PDS5A: variants seen among roughly 807,000 people sequenced by gnomAD.
The protein encoded by PDS5A is sister chromatid cohesion protein PDS5 homolog A.
A neutral mutation model predicts 167.1 loss-of-function variants in PDS5A; 42 were observed. The ratio of observed to expected loss-of-function variants is 0.25; its 90% CI spans 0.20 to 0.33. The LOEUF (loss-of-function observed/expected upper bound fraction) is 0.33. Among genes scored for constraint, PDS5A ranks in the 10% least tolerant of loss-of-function variants. The probability of loss-of-function intolerance (pLI) is 1.00; values close to 1 mark genes in which losing one functional copy is unlikely to be tolerated. For missense variants in PDS5A, 1,033 were observed against 1,605.9 expected, an observed-to-expected ratio of 0.64 and a Z score of 6.10; for synonymous variants, 553 against 554.6, an observed-to-expected ratio of 1.00 and a Z score of 0.04.
rs181730464 is a variant in PDS5A, at chr4:39,901,409, A to G, written c.1500-902T>C. On this transcript the variant is annotated intron_variant, in intron 13 of 32. Coordinates refer to ENST00000303538, the MANE Select transcript of PDS5A (RefSeq NM_001100399.2). ...CAGCCTCCCTAGTAGCTGGGATTAC[A>G]GGCGTGCACCACCATGCCCAACTAA... Among the ~76,000 whole-genome samples, 55 of 151,826 alleles carry G rather than the reference A, an allele frequency of 3.6e-4. No homozygotes were observed. The East Asian group carries it at 0.011, about 29-fold the overall frequency.
At chr4:39,842,231 C>T (rs1717097854) in intron 30 of PDS5A, among the ~76,000 whole-genome samples, 175 bp from the exon 31 acceptor site, 1 of 152,148 alleles carries the variant, frequency 6.6e-6, no homozygotes, top group Non-Finnish European at 1.5e-5. Context: ...TATCATTTTC[C>T]ATTTAGCTTT....
chr4:39,964,060 T>C lies in PDS5A; in HGVS notation c.138+12380A>G, dbSNP rs116022524. On this transcript the variant is annotated intron_variant, in intron 2 of 32. Transcript: ENST00000303538. ...AGCTATTTATAAAAATTGATTAACA[T>C]ACAGAATTCAAATTTAACTAACTAA... Among the ~76,000 whole-genome samples, 758 of 149,646 alleles carry C rather than the reference T, an allele frequency of 5.1e-3. 2 individuals are homozygous for C. Among genetic ancestry groups the C allele is most frequent in the African/African-American group, 0.017 (690 of 41,440 alleles).
At chr4:39,900,927 T>C (rs1353549243) in intron 13 of PDS5A, among the ~76,000 whole-genome samples, 1 of 152,204 alleles carries the variant, frequency 6.6e-6, no homozygotes, top group African/African-American at 2.4e-5. Context: ...GAAGGCCTTA[T>C]TAAAAAGGCT....
At chr4:39,865,346 T>C (rs948303792) in intron 23 of PDS5A, among the ~76,000 whole-genome samples, 5 of 152,160 alleles carry the variant, frequency 3.3e-5, no homozygotes, top group Non-Finnish European at 7.4e-5. Flanking sequence ...AAGCTTTCAT[T>C]ATCCCTAACT....
intron 14 of PDS5A, among the ~76,000 whole-genome samples, chr4:39,899,924 T>C (rs570866501): frequency 6.6e-5 from 10 of 151,056 alleles, no homozygotes; most frequent in African/African-American, 2.4e-4. Flanking sequence ...TTGAGGGGTC[T>C]GTTTATATGG....
At chr4:39,881,981 G>A (rs1325329008) in intron 17 of PDS5A, among the ~76,000 whole-genome samples, 1 of 152,158 alleles carries the variant, frequency 6.6e-6, no homozygotes, top group Non-Finnish European at 1.5e-5. Flanking sequence ...ATACTCTCTT[G>A]CCTGTCACCA....
chr4:39,906,340 C>T (rs1053552422), intron 11 of PDS5A, among the ~76,000 whole-genome samples: 1 of 151,838 alleles, frequency 6.6e-6, no homozygotes, highest in African/African-American at 2.4e-5. Context: ...TGCACTCAAG[C>T]CAGGGCAACA....
chr4:39,957,229 T>A (rs2109799381), intron 2 of PDS5A, among the ~76,000 whole-genome samples: 1 of 152,142 alleles, frequency 6.6e-6, no homozygotes, highest in African/African-American at 2.4e-5. Flanking sequence ...AATAATGGCA[T>A]CAATTTACTA....
intron 20 of PDS5A, among the ~76,000 whole-genome samples, chr4:39,873,661 C>T (rs73129421): frequency 2.4e-4 from 37 of 152,232 alleles, no homozygotes; most frequent in African/African-American, 8.4e-4. Context: ...GTACTTTAAA[C>T]TGGATTGTTC....
intron 2 of PDS5A, among the ~76,000 whole-genome samples, chr4:39,954,193 AAC>A (rs1728685329): frequency 1.3e-5 from 2 of 151,668 alleles, no homozygotes; most frequent in Admixed American, 6.6e-5. Flanking sequence ...AAAAAAAACA[AAC>A]AAACAGAAAA....
intron 22 of PDS5A, among the ~76,000 whole-genome samples, chr4:39,867,208 A>C (rs1719535372): frequency 6.6e-6 from 1 of 152,120 alleles, no homozygotes; most frequent in African/African-American, 2.4e-5. Context: ...TAAATGTATT[A>C]ACTTATTTAA....
chr4:39,887,829 C>T (rs1212698226), intron 17 of PDS5A, among the ~76,000 whole-genome samples: 1 of 152,046 alleles, frequency 6.6e-6, no homozygotes, highest in African/African-American at 2.4e-5. Flanking sequence ...CCTGTGTCAA[C>T]GGATTAATAA....
At chr4:39,938,831 G>A (rs565192948) in intron 2 of PDS5A, among the ~76,000 whole-genome samples, 3 of 152,046 alleles carry the variant, frequency 2.0e-5, no homozygotes, top group East Asian at 1.9e-4. Flanking sequence ...TTAGCTGGGC[G>A]TGGTGGCGCA....
At chr4:39,945,483 T>TAAAAAAAAAAAAAAAAAAAA (rs770327279) in intron 2 of PDS5A, among the ~76,000 whole-genome samples, 1 of 135,914 alleles carries the variant, frequency 7.4e-6, no homozygotes, top group East Asian at 2.4e-4. Flanking sequence ...AAAAAAAAAT[T>TAAAAAAAAAAAAAAAAAAAA]AAATGCAGGC....
At chr4:39,963,651 G>C (rs1261579930) in intron 2 of PDS5A, among the ~76,000 whole-genome samples, 1 of 152,070 alleles carries the variant, frequency 6.6e-6, no homozygotes, top group Admixed American at 6.6e-5. Flanking sequence ...GGGAAACATG[G>C]CAAAACCCTG....
chr4:39,977,371 G>C lies in PDS5A; in HGVS notation c.-41+86C>G, dbSNP rs1420390386. On this transcript the variant is annotated intron_variant, in intron 1 of 32. Transcript: ENST00000303538. This position sits in a 1 kb window ranked among gnomAD's most constrained non-coding sequence, Gnocchi z 4.2. ...CCCTCGGGCGGCCCCACCGGGCCTC[G>C]GACCCGCGGCCCCCCCCTCCAGTCT... The C allele has an allele frequency of 6.6e-6, 1 of 150,552 alleles. No homozygotes were observed. Among genetic ancestry groups the C allele is most frequent in the Non-Finnish European group, 1.5e-5 (1 of 67,326 alleles). 9.3% of individuals were successfully genotyped at this position (150,552 alleles called of 1,614,324 possible). A position where few individuals can be genotyped will look rare whatever the true frequency, so the allele number is the denominator to read the frequency against.
intron 26 of PDS5A, among the ~76,000 whole-genome samples, chr4:39,860,570 T>C (rs1056815236): frequency 1.3e-5 from 2 of 152,014 alleles, no homozygotes; most frequent in Non-Finnish European, 2.9e-5. Context: ...AGCCAAGATA[T>C]GGAATCAACC....
chr4:39,904,620 C>T (rs1323840534), intron 11 of PDS5A, among the ~76,000 whole-genome samples: 4 of 152,368 alleles, frequency 2.6e-5, no homozygotes, highest in Middle Eastern at 3.4e-3. Context: ...GCGTGAGCCA[C>T]CGCGCCCAGC....
At chr4:39,976,379 A>C in intron 2 of PDS5A, 61 bp downstream of exon 2, 1 of 1,446,568 alleles carries the variant, frequency 6.9e-7, no homozygotes, top group Non-Finnish European at 9.6e-7. Flanking sequence ...TGAGCAGGGT[A>C]GCAGTATCAC....
Sources: allele counts gnomAD v4.1 joint callset (sites outside exome capture counted in the v4.1 genomes callset), GRCh38; gene constraint gnomAD v4.1.1; non-coding constraint Gnocchi (gnomAD v3.1); transcripts MANE v1.5; gene names NCBI Gene and HGNC (gene_info 2026-07-23, HGNC 2026-07-21).